Variants in LHPP observed in about 807,000 individuals in gnomAD.
LHPP encodes the protein phospholysine phosphohistidine inorganic pyrophosphate phosphatase.
LHPP carries 24 observed loss-of-function variants against 30.3 expected under a neutral mutation model. The observed-to-expected ratio is 0.79, with a 90% CI of 0.57 to 1.11. The LOEUF is 1.11. LHPP is among the 50% of genes most tolerant of loss of function. The pLI, the probability that LHPP is intolerant of heterozygous loss-of-function variation, is 0.00. For missense variants in LHPP, 356 were observed against 367.2 expected (o/e 0.97, Z 0.25); for synonymous variants, 150 against 157.1 (o/e 0.95, Z 0.34).
intron 2 of LHPP, among the ~76,000 whole-genome samples, chr10:124,485,754 C>A (rs1418960618): frequency 6.6e-6 from 1 of 152,036 alleles, no homozygotes; most frequent in African/African-American, 2.4e-5. Context: ...GTGTGTGCCA[C>A]CACGCCCGCC....
At chr10:124,497,283 T>C (rs1953751425) in intron 4 of LHPP, among the ~76,000 whole-genome samples, 1 of 113,016 alleles carries the variant, frequency 8.8e-6, no homozygotes. Flanking sequence ...ATCCTCCCCA[T>C]CCTCCCCATC....
At chr10:124,476,737 C>T (rs532702824) in intron 1 of LHPP, among the ~76,000 whole-genome samples, 10 of 152,310 alleles carry the variant, frequency 6.6e-5, no homozygotes, top group South Asian at 2.1e-4. Flanking sequence ...GCTCTGCTTA[C>T]GGGGCTCCTG....
chr10:124,485,364 C>T (rs978689964), intron 2 of LHPP, among the ~76,000 whole-genome samples: 18 of 151,984 alleles, frequency 1.2e-4, no homozygotes, highest in Non-Finnish European at 2.4e-4. Context: ...AGTGGGCATC[C>T]GCTTGGAGGG....
At position 124,517,213 on chromosome 10, in the gene LHPP, G is replaced by A. The variant is rs1294222628; in HGVS notation, c.658G>A (p.Val220Ile). 12 of 1,606,828 alleles carry A rather than the reference G, an allele frequency of 7.5e-6. No homozygotes were observed. The highest frequency in any genetic ancestry group is 1.3e-5 in the African/African-American group (1 of 74,652). Residue 220 changes from valine to isoleucine, a missense_variant, in exon 6 of 7, where the codon GTC (valine) becomes ATC (isoleucine). Physicochemically the swap from Val to Ile is conservative, Grantham distance 29. Coordinates refer to ENST00000368842, the MANE Select transcript of LHPP (RefSeq NM_022126.4). This position sits in a 1 kb window ranked among gnomAD's most constrained non-coding sequence, Gnocchi z 4.1. Reference sequence around the variant, plus strand: ...GATTGGGGACGATATCGTGGGCGACGTCGGCGGTGCCCAGCGGTGTGGAAT... The same window carrying A: ...GATTGGGGACGATATCGTGGGCGACATCGGCGGTGCCCAGCGGTGTGGAAT... ...VMIGDDIVGDVGGAQRCGMRA... is the reference protein window; with the variant it reads ...VMIGDDIVGDIGGAQRCGMRA...
At chr10:124,530,643 A>G (rs1411042080) in intron 6 of LHPP, among the ~76,000 whole-genome samples, 1 of 151,236 alleles carries the variant, frequency 6.6e-6, no homozygotes, top group Non-Finnish European at 1.5e-5. Context: ...ATGCCGCACC[A>G]CCCCCATGCC....
chr10:124,568,335 C>T (rs1467472494), intron 6 of LHPP, among the ~76,000 whole-genome samples: 3 of 152,176 alleles, frequency 2.0e-5, no homozygotes, highest in Non-Finnish European at 2.9e-5. Flanking sequence ...AGCTCCGGAT[C>T]GAGAAGCAGG....
At chr10:124,504,875 G>T (rs546655482) in intron 5 of LHPP, among the ~76,000 whole-genome samples, 1 of 152,134 alleles carries the variant, frequency 6.6e-6, no homozygotes, top group Non-Finnish European at 1.5e-5. Flanking sequence ...TGGGTTTGTC[G>T]TTTTCGGATG....
In LHPP at chr10:124,486,297, G is replaced by T. The variant is rs1217225744; in HGVS notation, c.313+1971G>T. Among the ~76,000 whole-genome samples, 7 of 152,236 alleles carry T rather than the reference G, an allele frequency of 4.6e-5. No homozygotes were observed. The East Asian group carries it at 1.2e-3, about 25-fold the overall frequency. ...CCTTGTCCCCTTAGAGGCAACCACT[G>T]TTTGGATTTTTTCCGTTATAAATAA... On this transcript the variant is annotated intron_variant, in intron 2 of 6. Transcript: ENST00000368842.
intron 1 of LHPP, among the ~76,000 whole-genome samples, chr10:124,462,309 C>T (rs961721681): frequency 1.3e-5 from 2 of 152,180 alleles, no homozygotes; most frequent in Admixed American, 6.5e-5. Context: ...ATTAACAAGA[C>T]TTAGCCGGGC....
At chr10:124,521,387 G>C (rs1347295315) in intron 6 of LHPP, among the ~76,000 whole-genome samples, 1 of 152,242 alleles carries the variant, frequency 6.6e-6, no homozygotes. Flanking sequence ...CTGCACAGCG[G>C]TGAGCCCCCC....
chr10:124,552,043 G>A (rs142747479), intron 6 of LHPP, among the ~76,000 whole-genome samples: 10 of 152,096 alleles, frequency 6.6e-5, no homozygotes, highest in South Asian at 2.1e-4. Context: ...TCCAGGCTTC[G>A]TGGGACTTCC....
intron 6 of LHPP, among the ~76,000 whole-genome samples, chr10:124,563,944 T>A (rs1948444663): frequency 6.6e-6 from 1 of 152,076 alleles, no homozygotes; most frequent in African/African-American, 2.4e-5. Context: ...ATTTACTTTT[T>A]ATATTTAACA....
At chr10:124,468,873 T>C (rs150389868) in intron 1 of LHPP, among the ~76,000 whole-genome samples, 1 of 151,958 alleles carries the variant, frequency 6.6e-6, no homozygotes, top group African/African-American at 2.4e-5. Context: ...TCGTGGCAGA[T>C]GCCCAGAGTG....
At chr10:124,575,628 A>G (rs1801829901) in intron 6 of LHPP, among the ~76,000 whole-genome samples, 2 of 151,834 alleles carry the variant, frequency 1.3e-5, no homozygotes, top group South Asian at 2.1e-4. Context: ...CTGAGCAGAG[A>G]CCTCTGTAGG....
Position 124,508,818 on chromosome 10 carries a change from T to C in LHPP, c.625-8362T>C, listed in dbSNP as rs139736432. On this transcript the variant is annotated intron_variant, in intron 5 of 6. Transcript: ENST00000368842. ...TTTTAACACAAAATTGGGATAATCTTGTATCTGCTGTTTGAAATCTGAGTT... is the reference window on the plus strand; with the variant it reads ...TTTTAACACAAAATTGGGATAATCTCGTATCTGCTGTTTGAAATCTGAGTT... Among the ~76,000 whole-genome samples, 107 of 152,332 alleles carry C rather than the reference T, an allele frequency of 7.0e-4. 2 individuals are homozygous for C. The highest frequency in any genetic ancestry group is 1.5e-3 in the East Asian group (8 of 5,192).
At chr10:124,566,206 T>C (rs924175955) in intron 6 of LHPP, among the ~76,000 whole-genome samples, 13 of 152,182 alleles carry the variant, frequency 8.5e-5, no homozygotes, top group African/African-American at 3.1e-4. Context: ...AGACCGGGCG[T>C]GTGGTTATGG....
chr10:124,482,264 A>G lies in LHPP; in HGVS notation c.126-1875A>G, dbSNP rs115814413. Among the ~76,000 whole-genome samples, 410 of 152,336 alleles carry G rather than the reference A, an allele frequency of 2.7e-3. 3 individuals carry two copies. The highest frequency in any genetic ancestry group is 9.5e-3 in the African/African-American group (394 of 41,570). On this transcript the variant is annotated intron_variant, in intron 1 of 6. Coordinates refer to ENST00000368842, the MANE Select transcript of LHPP (RefSeq NM_022126.4). ...TGCCTCCTCTCTATGTGTGTTTTCT[A>G]TAAATTTTAAATTATTCATTTAACA...
chr10:124,575,900 G>A (rs983760126), intron 6 of LHPP, among the ~76,000 whole-genome samples: 1 of 152,202 alleles, frequency 6.6e-6, no homozygotes. Flanking sequence ...GTGCCTGGAC[G>A]GCAGAGAGCC....
chr10:124,594,813 G>A (rs569384008), intron 6 of LHPP, among the ~76,000 whole-genome samples: 9 of 152,066 alleles, frequency 5.9e-5, no homozygotes, highest in African/African-American at 1.9e-4. Flanking sequence ...GTATTTTTTA[G>A]TAGAGAGGGG....
Sources: gnomAD v4.1 joint callset for allele counts (sites outside exome capture counted in the v4.1 genomes callset) on GRCh38, gnomAD v4.1.1 for gene constraint, Gnocchi (gnomAD v3.1) non-coding constraint, MANE v1.5 for transcripts, NCBI Gene and HGNC (gene_info 2026-07-23, HGNC 2026-07-21) for gene names.